FRRS1: variants seen among roughly 807,000 people sequenced by gnomAD.
FRRS1 encodes ferric chelate reductase 1, also known as ferric reductase 1.
In FRRS1, 51 loss-of-function variants were observed where a neutral mutation model predicts 70.7. The ratio of observed to expected loss-of-function variants is 0.72; its 90% CI spans 0.58 to 0.91. FRRS1 has a LOEUF of 0.91. Among genes scored for constraint, FRRS1 ranks in the 40% least tolerant of loss-of-function variants. FRRS1 has a pLI of 0.00. For missense variants in FRRS1, 672 were observed against 726.0 expected, an observed-to-expected ratio of 0.93 and a Z score of 0.86; for synonymous variants, 225 against 238.7, an observed-to-expected ratio of 0.94 and a Z score of 0.53.
At chr1:99,736,833 T>TA (rs553512168) in intron 7 of FRRS1, among the ~76,000 whole-genome samples, 41,536 of 142,760 alleles carry the variant, frequency 0.29, 10,787 homozygotes, top group African/African-American at 0.7. Flanking sequence ...TTAGGACAAT[T>TA]AAAAAAAAAA....
chr1:99,736,468 T>C (rs1239050265), intron 7 of FRRS1, among the ~76,000 whole-genome samples: 2 of 152,098 alleles, frequency 1.3e-5, no homozygotes, highest in African/African-American at 4.8e-5. Flanking sequence ...GTAGGTCATA[T>C]ATACATACTG....
chr1:99,754,894 A>T (rs1411600756), intron 1 of FRRS1, among the ~76,000 whole-genome samples: 1 of 152,182 alleles, frequency 6.6e-6, no homozygotes. Flanking sequence ...ACCTAATGCC[A>T]GGAGCTACTG....
intron 4 of FRRS1, among the ~76,000 whole-genome samples, chr1:99,745,683 C>CTGAATAAATAAA (rs113124109): frequency 2.0e-5 from 3 of 151,402 alleles, no homozygotes; most frequent in African/African-American, 7.3e-5. Flanking sequence ...GACTCTGTCT[C>CTGAATAAATAAA]TAAATAAATA....
In FRRS1 at chr1:99,738,275, A is replaced by C. The variant is rs1655779264; in HGVS notation, c.577-7T>G. On this transcript the variant is annotated splice_polypyrimidine_tract_variant and splice_region_variant and intron_variant, in intron 6 of 16. Coordinates refer to ENST00000646001, the MANE Select transcript of FRRS1 (RefSeq NM_001361041.2). ...CACAATCTGAGGCACTGAACTAGAAAAATGACAGAGGAAAAAAAAATCTTA... is the reference window on the plus strand; with the variant it reads ...CACAATCTGAGGCACTGAACTAGAACAATGACAGAGGAAAAAAAAATCTTA... 6.4e-7 allele frequency: 1 copy of C among 1,566,060 alleles called. No individual in the cohort carries two copies. The highest frequency in any genetic ancestry group is 1.4e-5 in the African/African-American group (1 of 72,128).
intron 15 of FRRS1, among the ~76,000 whole-genome samples, chr1:99,709,736 G>A (rs1654183252): frequency 6.6e-6 from 1 of 152,180 alleles, no homozygotes; most frequent in South Asian, 2.1e-4. Flanking sequence ...GGAAGGAAGA[G>A]GCGGGTAGAT....
chr1:99,736,370 G>T (rs944264718), intron 7 of FRRS1, among the ~76,000 whole-genome samples: 2 of 152,074 alleles, frequency 1.3e-5, no homozygotes, highest in African/African-American at 4.8e-5. Flanking sequence ...TAAGTACATG[G>T]TATCTTTTGT....
At chr1:99,723,616 A>G (rs1654941506) in intron 9 of FRRS1, among the ~76,000 whole-genome samples, 1 of 152,240 alleles carries the variant, frequency 6.6e-6, no homozygotes. Flanking sequence ...CAGAAGGGGA[A>G]TCATGTTCTA....
In FRRS1 at chr1:99,708,967, A is replaced by G; in HGVS notation, c.*61T>C. On this transcript the variant is annotated 3_prime_UTR_variant, in exon 17 of 17. Coordinates refer to ENST00000646001, the MANE Select transcript of FRRS1 (RefSeq NM_001361041.2). ...GCTCCAGGCAGTCAGGACAGGCTTC[A>G]AGTTTCTTTGGTTTGATGATAATTA... 1 of 1,614,056 alleles carries G rather than the reference A, an allele frequency of 6.2e-7. No individual in the cohort carries two copies. Among genetic ancestry groups the G allele is most frequent in the Admixed American group, 1.7e-5 (1 of 60,020 alleles).
chr1:99,729,540 G>A (rs1014202457), intron 8 of FRRS1, 110 bp downstream of exon 8: 2 of 676,882 alleles, frequency 3.0e-6, no homozygotes, highest in African/African-American at 3.5e-5. Flanking sequence ...GCTCAGGCTA[G>A]GTGGAACTGT....
intron 1 of FRRS1, among the ~76,000 whole-genome samples, chr1:99,755,576 T>C (rs1166872224): frequency 6.6e-6 from 1 of 152,176 alleles, no homozygotes; most frequent in East Asian, 1.9e-4. Flanking sequence ...TTAACAAATA[T>C]TTATTTGGCA....
intron 9 of FRRS1, among the ~76,000 whole-genome samples, chr1:99,722,109 CAG>C (rs1373599775): frequency 6.6e-6 from 1 of 151,616 alleles, no homozygotes; most frequent in Non-Finnish European, 1.5e-5. Context: ...TCCCAGGCTC[CAG>C]AGATCCTCCC....
intron 1 of FRRS1, among the ~76,000 whole-genome samples, chr1:99,757,287 G>A (rs142186792): frequency 6.6e-6 from 1 of 151,968 alleles, no homozygotes; most frequent in Non-Finnish European, 1.5e-5. Context: ...TCTACCAATG[G>A]ATCTTAACCT....
intron 9 of FRRS1, among the ~76,000 whole-genome samples, chr1:99,722,986 T>C (rs1221741188): frequency 6.6e-6 from 1 of 152,242 alleles, no homozygotes; most frequent in Non-Finnish European, 1.5e-5. Flanking sequence ...AATGAATAAC[T>C]TTCCTATATG....
At chr1:99,765,859 C>G (rs1312512476) in intron 1 of FRRS1, 1 of 152,178 alleles carries the variant, frequency 6.6e-6, no homozygotes, top group Admixed American at 6.6e-5. Flanking sequence ...GAGCCGAGAT[C>G]GCGCCACTGC....
rs1438267178 is a variant in FRRS1 at position 99,707,705 on chromosome 1, GA to G, written c.*1322del. Among the ~76,000 whole-genome samples the G allele has an allele frequency of 6.6e-6, 1 of 152,156 alleles. No homozygotes were observed. Among genetic ancestry groups the G allele is most frequent in the Non-Finnish European group, 1.5e-5 (1 of 68,034 alleles). On this transcript the variant is annotated 3_prime_UTR_variant, in exon 17 of 17. Transcript: ENST00000646001. ...GAAAGGAATCAGCACAAGGAAACAG[GA>G]ACAAAGCAGTGCAGTACTTCGGTAT...
At chr1:99,729,628 T>C (rs2100939157) in intron 8 of FRRS1, 22 bp downstream of exon 8, 1 of 1,488,238 alleles carries the variant, frequency 6.7e-7, no homozygotes, top group Non-Finnish European at 9.4e-7. Context: ...CAGGTGGAGG[T>C]TCTCAGAATT....
chr1:99,763,919 A>C (rs1657234114), intron 1 of FRRS1, among the ~76,000 whole-genome samples: 1 of 152,042 alleles, frequency 6.6e-6, no homozygotes, highest in African/African-American at 2.4e-5. Flanking sequence ...TTACAGAAAA[A>C]CCCATACAGT....
intron 11 of FRRS1, 104 bp downstream of exon 11, chr1:99,717,306 C>T (rs968210963): frequency 2.6e-6 from 2 of 781,860 alleles, no homozygotes; most frequent in African/African-American, 3.4e-5. Context: ...AAACCTACAA[C>T]TGCAACCACA....
chr1:99,740,914 AT>A lies in FRRS1; in HGVS notation c.454del (p.Ile152SerfsTer4), dbSNP rs751522408. On this transcript the variant is annotated frameshift_variant, in exon 6 of 17. Transcript: ENST00000646001. LOFTEE classifies it high-confidence loss of function. Reference protein sequence around the residue: ...FLVTVVEKYKIYWVKIPGPII... With the variant: ...FLVTVVEKYKXYWVKIPGPII... ...AGGACCAGGAATCTTCACCCAGTAGATTTTATACTTCTCAACAACTGTGACT... is the reference window on the plus strand; with the variant it reads ...AGGACCAGGAATCTTCACCCAGTAGATTTATACTTCTCAACAACTGTGACT... The A allele has an allele frequency of 1.9e-6, 3 of 1,610,820 alleles. No individual in the cohort carries two copies. Among genetic ancestry groups the A allele is most frequent in the Non-Finnish European group, 2.5e-6 (3 of 1,177,118 alleles).
Sources: gnomAD v4.1 joint callset for allele counts (sites outside exome capture counted in the v4.1 genomes callset) on GRCh38, gnomAD v4.1.1 for gene constraint, MANE v1.5 for transcripts, NCBI Gene and HGNC (gene_info 2026-07-23, HGNC 2026-07-21) for gene names.